The following AKAP7 variants were observed in gnomAD, a reference collection of about 807,000 sequenced individuals.
The protein encoded by AKAP7 is A kinase (PRKA) anchor protein 7.
AKAP7 carries 39 observed loss-of-function variants against 39.5 expected under a neutral mutation model. The observed-to-expected ratio is 0.99, with a 90% CI of 0.76 to 1.29. AKAP7 has a LOEUF of 1.29. Among genes scored for constraint, AKAP7 ranks in the 50% most tolerant of loss-of-function variants. The pLI is 0.00. For missense variants in AKAP7, 414 were observed against 407.7 expected (o/e 1.02, Z -0.13); for synonymous variants, 140 against 139.1 (o/e 1.01, Z -0.05).
In AKAP7 at chr6:131,282,596, T is replaced by G; in HGVS notation, c.*870T>G. The G allele has an allele frequency of 6.5e-7, 1 of 1,534,774 alleles. No homozygotes were observed. Among genetic ancestry groups the G allele is most frequent in the Non-Finnish European group, 8.7e-7 (1 of 1,145,892 alleles). Reference sequence around the variant, plus strand: ...AAATGACGTTGATTTCAGCACAACTTTGACATAAGCTCTACATTGCGATTG... The same window carrying G: ...AAATGACGTTGATTTCAGCACAACTGTGACATAAGCTCTACATTGCGATTG... On this transcript the variant is annotated 3_prime_UTR_variant, in exon 8 of 8. Transcript: ENST00000431975.
At chr6:131,217,998 A>C (rs1197060510) in intron 6 of AKAP7, among the ~76,000 whole-genome samples, 1 of 152,102 alleles carries the variant, frequency 6.6e-6, no homozygotes, top group East Asian at 1.9e-4. Flanking sequence ...TGTTATCTCG[A>C]ATGAAGTTAT....
At chr6:131,235,667 G>C (rs1302656248) in intron 7 of AKAP7, among the ~76,000 whole-genome samples, 2 of 152,188 alleles carry the variant, frequency 1.3e-5, no homozygotes, top group Admixed American at 1.3e-4. Flanking sequence ...CAGTGATGAT[G>C]AGCATTTTTT....
At chr6:131,241,627 GTA>G (rs60816569) in intron 7 of AKAP7, among the ~76,000 whole-genome samples, 1,414 of 86,604 alleles carry the variant, frequency 0.016, 71 homozygotes, top group Middle Eastern at 0.027. Flanking sequence ...GTGTGTGTGT[GTA>G]TATATATATG....
chr6:131,247,269 G>GTATATATATATA (rs60033504), intron 7 of AKAP7, among the ~76,000 whole-genome samples: 17 of 91,910 alleles, frequency 1.8e-4, no homozygotes, highest in Non-Finnish European at 3.0e-4. Context: ...CATTTCATAT[G>GTATATATATATA]TATATATATA....
rs60033504 is a variant in AKAP7 at position 131,247,269 on chromosome 6, G to GTATATATA, written c.850+27499_850+27506dup. Among the ~76,000 whole-genome samples the GTATATATA allele has an allele frequency of 1.5e-3, 134 of 91,866 alleles. 3 individuals carry two copies. Among genetic ancestry groups the GTATATATA allele is most frequent in the Non-Finnish European group, 2.2e-3 (111 of 50,012 alleles). 60.3% of individuals were successfully genotyped at this position (91,866 alleles called of 152,430 possible). On this transcript the variant is annotated intron_variant, in intron 7 of 7. Coordinates refer to ENST00000431975, the MANE Select transcript of AKAP7 (RefSeq NM_016377.4). ...TGATAGTTAATGACACATTTCATAT[G>GTATATATA]TATATATATATATATATATATATAT...
chr6:131,245,537 C>A (rs1811938625), intron 7 of AKAP7, among the ~76,000 whole-genome samples: 1 of 151,526 alleles, frequency 6.6e-6, no homozygotes, highest in Admixed American at 6.6e-5. Flanking sequence ...TTTCTTCAGG[C>A]CCAGAATAAT....
chr6:131,160,834 A>T (rs924591012), intron 3 of AKAP7, among the ~76,000 whole-genome samples: 1 of 152,262 alleles, frequency 6.6e-6, no homozygotes, highest in Non-Finnish European at 1.5e-5. Context: ...AATGCAATAA[A>T]TAATAGGAAA....
intron 5 of AKAP7, among the ~76,000 whole-genome samples, chr6:131,188,261 C>T (rs1468186473): frequency 6.6e-6 from 1 of 152,098 alleles, no homozygotes; most frequent in Non-Finnish European, 1.5e-5. Flanking sequence ...CTTGCTAAGA[C>T]TGTCTAAAAT....
chr6:131,272,259 T>C (rs1209169127), intron 7 of AKAP7, among the ~76,000 whole-genome samples: 1 of 152,238 alleles, frequency 6.6e-6, no homozygotes, highest in Non-Finnish European at 1.5e-5. Flanking sequence ...TTGTATTTTT[T>C]GTTTCTGATC....
upstream of AKAP7, among the ~76,000 whole-genome samples, chr6:131,132,839 T>C (rs1428272681): frequency 1.3e-5 from 2 of 152,248 alleles, no homozygotes; most frequent in South Asian, 2.1e-4. Context: ...CCACCATTAA[T>C]GATGCTGAGT....
intron 6 of AKAP7, among the ~76,000 whole-genome samples, chr6:131,203,231 T>C (rs1807777179): frequency 6.6e-6 from 1 of 152,206 alleles, no homozygotes; most frequent in South Asian, 2.1e-4. Flanking sequence ...TGAAAATATA[T>C]GGTTCCTTAG....
intron 7 of AKAP7, among the ~76,000 whole-genome samples, chr6:131,266,684 T>TTTGTTG (rs368469383): frequency 7.4e-5 from 11 of 149,104 alleles, no homozygotes; most frequent in South Asian, 4.3e-4. Flanking sequence ...TGCAGGGGTT[T>TTTGTTG]TTGTTGTTGT....
chr6:131,215,179 C>G (rs1230102784), intron 6 of AKAP7, among the ~76,000 whole-genome samples: 1 of 152,098 alleles, frequency 6.6e-6, no homozygotes, highest in Non-Finnish European at 1.5e-5. Context: ...TATTTTTCAT[C>G]ACTCCTTATA....
At chr6:131,169,538 T>C (rs1007859085) in intron 5 of AKAP7, among the ~76,000 whole-genome samples, 1 of 152,156 alleles carries the variant, frequency 6.6e-6, no homozygotes, top group African/African-American at 2.4e-5. Context: ...GTCATCCCCA[T>C]TGCAGAGAGC....
At chr6:131,243,452 T>C (rs1811768121) in intron 7 of AKAP7, among the ~76,000 whole-genome samples, 1 of 152,208 alleles carries the variant, frequency 6.6e-6, no homozygotes, top group Non-Finnish European at 1.5e-5. Flanking sequence ...TGGTGGACCA[T>C]GACAGATTTT....
chr6:131,255,254 C>A (rs1812749722), intron 7 of AKAP7, among the ~76,000 whole-genome samples: 6 of 152,074 alleles, frequency 3.9e-5, no homozygotes, highest in African/African-American at 1.4e-4. Flanking sequence ...AGCGTGTTAC[C>A]CAGAGGAGGC....
intron 1 of AKAP7, among the ~76,000 whole-genome samples, chr6:131,143,156 C>A (rs1801187873): frequency 6.6e-6 from 1 of 152,090 alleles, no homozygotes; most frequent in Middle Eastern, 3.2e-3. Context: ...AACGAGTTGA[C>A]CTTGGGGGAC....
chr6:131,212,165 AATC>A (rs1289374907), intron 6 of AKAP7, among the ~76,000 whole-genome samples: 1 of 152,238 alleles, frequency 6.6e-6, no homozygotes, highest in African/African-American at 2.4e-5. Flanking sequence ...TCATATGTTG[AATC>A]ATCCTAAGTC....
At chr6:131,167,289 A>T (rs1011916889) in intron 4 of AKAP7, among the ~76,000 whole-genome samples, 1 of 152,212 alleles carries the variant, frequency 6.6e-6, no homozygotes, top group South Asian at 2.1e-4. Context: ...GTGGCATCTT[A>T]TTAGCACAAA....
Sources: allele counts gnomAD v4.1 joint callset (sites outside exome capture counted in the v4.1 genomes callset), GRCh38; gene constraint gnomAD v4.1.1; transcripts MANE v1.5; gene names NCBI Gene and HGNC (gene_info 2026-07-23, HGNC 2026-07-21).